Variants in CCNT2 observed in about 807,000 individuals in gnomAD.
CCNT2 encodes the protein cyclin T2, also known as cyclin-T2.
In CCNT2, 18 loss-of-function variants were observed where a neutral mutation model predicts 70.0. That is an observed-to-expected ratio of 0.26 (90% CI 0.18 to 0.38). The LOEUF (loss-of-function observed/expected upper bound fraction) is 0.38. Among genes scored for constraint, CCNT2 ranks in the 10% least tolerant of loss-of-function variants. The pLI, the probability that CCNT2 is intolerant of heterozygous loss-of-function variation, is 1.00. For synonymous variants in CCNT2, 334 were observed against 313.3 expected (o/e 1.07, Z -0.70); for missense variants, 734 against 890.2 (o/e 0.82, Z 2.23).
chr2:134,939,817 T>A (rs1359186095), intron 4 of CCNT2, among the ~76,000 whole-genome samples: 1 of 152,200 alleles, frequency 6.6e-6, no homozygotes, highest in African/African-American at 2.4e-5. Flanking sequence ...TTGGTCATCC[T>A]TTTCTAAAGG....
At chr2:134,925,077 G>A (rs766177187) in intron 2 of CCNT2, among the ~76,000 whole-genome samples, 6 of 152,186 alleles carry the variant, frequency 3.9e-5, no homozygotes, top group Admixed American at 1.3e-4. Flanking sequence ...CCTTAGGCAA[G>A]GCTATAGATG....
chr2:134,937,462 GAGC>G (rs1268392159), intron 3 of CCNT2, among the ~76,000 whole-genome samples: 1 of 152,090 alleles, frequency 6.6e-6, no homozygotes, highest in Non-Finnish European at 1.5e-5. Flanking sequence ...TTGCTTTCAT[GAGC>G]AGCATTTTTT....
chr2:134,934,077 T>C (rs904834854), intron 2 of CCNT2, among the ~76,000 whole-genome samples: 4 of 152,222 alleles, frequency 2.6e-5, no homozygotes, highest in African/African-American at 7.2e-5. Flanking sequence ...TCCACAAATA[T>C]CTATTTGTCT....
intron 2 of CCNT2, among the ~76,000 whole-genome samples, chr2:134,924,891 T>C (rs1380737015): frequency 6.6e-6 from 1 of 152,208 alleles, no homozygotes; most frequent in Non-Finnish European, 1.5e-5. Context: ...CATCTTTTTA[T>C]GTCAACTAAG....
Position 134,956,678 on chromosome 2 carries a change from A to AT in CCNT2, c.*2034dup, listed in dbSNP as rs1051760218. 3.3e-5 allele frequency: 5 copies of AT among 152,460 alleles called. No individual in the cohort carries two copies. Among genetic ancestry groups the AT allele is most frequent in the Admixed American group, 2.6e-4 (4 of 15,268 alleles). 9.4% of individuals were successfully genotyped at this position (152,460 alleles called of 1,614,324 possible). A position where few individuals can be genotyped will look rare whatever the true frequency, so the allele number is the denominator to read the frequency against. ...ATAATTGGGGGTGATAATACCAGGA[A>AT]TTTTAATAAGATTTTGTAAAGAATA... On this transcript the variant is annotated 3_prime_UTR_variant, in exon 9 of 9. Transcript: ENST00000264157.
In CCNT2 at chr2:134,954,479, A is replaced by G; in HGVS notation, c.2024A>G (p.Gln675Arg). 6.2e-7 allele frequency: 1 copy of G among 1,614,168 alleles called. No homozygotes were observed. Among genetic ancestry groups the G allele is most frequent in the Non-Finnish European group, 8.5e-7 (1 of 1,180,024 alleles). Residue 675 changes from glutamine (Q) to arginine (R), a missense_variant, in exon 9 of 9, where the codon CAG (glutamine) becomes CGG (arginine). Coordinates refer to ENST00000264157, the MANE Select transcript of CCNT2 (RefSeq NM_058241.3). Reference sequence around the variant, plus strand: ...CCCCCTCCTCCCCCTGTCACATACCAGGTGGGCTACGGACATCTCAGCACC... The same window carrying G: ...CCCCCTCCTCCCCCTGTCACATACCGGGTGGGCTACGGACATCTCAGCACC... ...PLPPPPPVTYQVGYGHLSTLV... is the reference protein window; with the variant it reads ...PLPPPPPVTYRVGYGHLSTLV...
rs1682704509 is a variant in CCNT2, at chr2:134,953,699, G to A, written c.1244G>A (p.Gly415Glu). The A allele has an allele frequency of 6.2e-7, 1 of 1,613,672 alleles. No homozygotes were observed. Among genetic ancestry groups the A allele is most frequent in the Admixed American group, 1.7e-5 (1 of 59,990 alleles). The change falls in exon 9 of 9, where the codon GGG (glycine) becomes GAG (glutamate). Residue 415 changes from glycine to glutamate, a missense_variant. Physicochemically the swap from Gly to Glu is moderately conservative, Grantham distance 98 (BLOSUM62 -2). Around this residue, in one of 3 missense-constraint regions of CCNT2, gnomAD observed 532 missense variants for 556.9 expected, o/e 0.96. Coordinates refer to ENST00000264157, the MANE Select transcript of CCNT2 (RefSeq NM_058241.3). ...SVKQEYTHKA[G>E]SSKHHGPIST... ...AAGCAAGAATATACTCATAAAGCAG[G>A]GAGCAGTAAACACCATGGGCCAATT... is the stretch of plus-strand genomic sequence containing the variant.
chr2:134,944,947 T>C, intron 5 of CCNT2: 1 of 985,332 alleles, frequency 1.0e-6, no homozygotes, highest in Non-Finnish European at 1.2e-6. Flanking sequence ...ATAAATTTGA[T>C]TTCTGTGAAG....
chr2:134,949,263 T>C (rs1682252281), intron 7 of CCNT2, among the ~76,000 whole-genome samples: 1 of 152,218 alleles, frequency 6.6e-6, no homozygotes, highest in African/African-American at 2.4e-5. Flanking sequence ...ATTACAGGTT[T>C]GAGCCTCTGT....
At position 134,956,785 on chromosome 2, in the gene CCNT2, A is replaced by G. The variant is rs1199558596; in HGVS notation, c.*2137A>G. Reference sequence around the variant, plus strand: ...AGGTCTGTGACTATAGTTAAACTTCACTAAGAATTTGCAGAATTGTTTTGA... The same window carrying G: ...AGGTCTGTGACTATAGTTAAACTTCGCTAAGAATTTGCAGAATTGTTTTGA... On this transcript the variant is annotated 3_prime_UTR_variant, in exon 9 of 9. Coordinates refer to ENST00000264157, the MANE Select transcript of CCNT2 (RefSeq NM_058241.3). 2 of 152,620 alleles carry G rather than the reference A, an allele frequency of 1.3e-5. No homozygotes were observed. The highest frequency in any genetic ancestry group is 2.9e-5 in the Non-Finnish European group (2 of 68,012). 9.5% of individuals were successfully genotyped at this position (152,620 alleles called of 1,614,324 possible).
chr2:134,946,554 T>C (rs1681980113), intron 6 of CCNT2: 1 of 273,792 alleles, frequency 3.7e-6, no homozygotes. Context: ...TTTAAAATAC[T>C]CATTAAAGTT....
intron 4 of CCNT2, among the ~76,000 whole-genome samples, chr2:134,942,349 G>C (rs1402292559): frequency 6.6e-6 from 1 of 151,996 alleles, no homozygotes; most frequent in Non-Finnish European, 1.5e-5. Context: ...AATTTAATTT[G>C]TTTTTAAGAT....
At chr2:134,924,911 T>A (rs559350016) in intron 2 of CCNT2, among the ~76,000 whole-genome samples, 2 of 152,322 alleles carry the variant, frequency 1.3e-5, no homozygotes, top group South Asian at 4.1e-4. Context: ...GTTGTAGCTG[T>A]TGAAGGACCC....
At position 134,934,470 on chromosome 2, in the gene CCNT2, A is replaced by G. The variant is rs76723506; in HGVS notation, c.241-2371A>G. ...TAGTAATATTTCTGTTACCCAAAAC[A>G]TTTGGAATTCTTTTAAGCCTCACAA... On this transcript the variant is annotated intron_variant, in intron 2 of 8. Transcript: ENST00000264157. 2.2e-3 allele frequency among the ~76,000 whole-genome samples: 338 copies of G among 152,346 alleles called. 1 individual carries two copies. Among genetic ancestry groups the G allele is most frequent in the African/African-American group, 7.7e-3 (319 of 41,584 alleles).
At chr2:134,919,989 G>A in intron 2 of CCNT2, 98 bp downstream of exon 2, 1 of 768,620 alleles carries the variant, frequency 1.3e-6, no homozygotes, top group Non-Finnish European at 2.2e-6. Context: ...TTAGTGTTCT[G>A]AATTAACGGT....
intron 2 of CCNT2, among the ~76,000 whole-genome samples, chr2:134,931,982 G>GT (rs1349775272): frequency 2.0e-5 from 3 of 151,804 alleles, no homozygotes; most frequent in Non-Finnish European, 4.4e-5. Context: ...TTATAAGTTG[G>GT]TTTTTTTCAT....
At chr2:134,930,508 G>T (rs1254136960) in intron 2 of CCNT2, among the ~76,000 whole-genome samples, 1 of 152,164 alleles carries the variant, frequency 6.6e-6, no homozygotes, top group Non-Finnish European at 1.5e-5. Context: ...TCTTACGGGT[G>T]AGAGTTACAT....
At chr2:134,948,802 C>T (rs1310086227) in intron 7 of CCNT2, among the ~76,000 whole-genome samples, 1 of 151,718 alleles carries the variant, frequency 6.6e-6, no homozygotes, top group African/African-American at 2.4e-5. Flanking sequence ...GCAACCTCCA[C>T]CTCCCGAGTT....
At chr2:134,946,863 T>G (rs1682015025) in intron 6 of CCNT2, among the ~76,000 whole-genome samples, 1 of 152,182 alleles carries the variant, frequency 6.6e-6, no homozygotes, top group Non-Finnish European at 1.5e-5. Context: ...AATTTGTCTT[T>G]TTGAGTGGAT....
Sources: allele counts gnomAD v4.1 joint callset (sites outside exome capture counted in the v4.1 genomes callset), GRCh38; gene constraint gnomAD v4.1.1; regional missense constraint gnomAD v4.1.1; transcripts MANE v1.5; gene names NCBI Gene and HGNC (gene_info 2026-07-23, HGNC 2026-07-21).